KNL1: variants seen among roughly 807,000 people sequenced by gnomAD.
The protein encoded by KNL1 is kinetochore scaffold 1.
A neutral mutation model predicts 201.3 loss-of-function variants in KNL1; 66 were observed. That is an observed-to-expected ratio of 0.33 (90% CI 0.27 to 0.40). The LOEUF (loss-of-function observed/expected upper bound fraction) is 0.40. KNL1 is among the 10% of genes least tolerant of loss of function. KNL1 has a pLI of 1.00. For missense variants in KNL1, 2,815 were observed against 2,690.5 expected (o/e 1.05, Z -1.02); for synonymous variants, 895 against 899.2 (o/e 1.00, Z 0.08).
At position 40,657,493 on chromosome 15, in the gene KNL1, A is replaced by G. The variant is rs778709199; in HGVS notation, c.6713+20A>G. ...TAATGAGTAAGTGTATTAGTTCCCA[A>G]GGACTGCCATGACAGAGTACTACAA... On this transcript the variant is annotated intron_variant, in intron 24 of 25. Transcript: ENST00000399668. 8.1e-7 allele frequency: 1 copy of G among 1,240,862 alleles called. No individual in the cohort carries two copies. The highest frequency in any genetic ancestry group is 1.2e-6 in the Non-Finnish European group (1 of 841,104). 76.9% of individuals were successfully genotyped at this position (1,240,862 alleles called of 1,614,324 possible). A position where few individuals can be genotyped will look rare whatever the true frequency, so the allele number is the denominator to read the frequency against.
At chr15:40,605,361 A>G (rs1162191618) in intron 3 of KNL1, among the ~76,000 whole-genome samples, 1 of 152,196 alleles carries the variant, frequency 6.6e-6, no homozygotes, top group Non-Finnish European at 1.5e-5. Context: ...TATGAATTTT[A>G]TGCTATGTAA....
intron 21 of KNL1, 102 bp from the exon 22 acceptor site, chr15:40,654,807 T>G (rs971675347): frequency 1.1e-5 from 9 of 797,190 alleles, no homozygotes; most frequent in Non-Finnish European, 1.9e-5. Flanking sequence ...AGGCTGAGCT[T>G]GCAGTGGGCC....
At chr15:40,612,449 GC>G (rs547408406) in intron 7 of KNL1, among the ~76,000 whole-genome samples, 196 of 151,708 alleles carry the variant, frequency 1.3e-3, no homozygotes, top group African/African-American at 4.6e-3. Flanking sequence ...CTGAGATCAT[GC>G]CCCTGCACTC....
At chr15:40,617,479 A>T (rs1892378365) in intron 8 of KNL1, among the ~76,000 whole-genome samples, 1 of 152,090 alleles carries the variant, frequency 6.6e-6, no homozygotes, top group African/African-American at 2.4e-5. Flanking sequence ...TTTCCTAGCA[A>T]TTATTATTAT....
In KNL1 at chr15:40,628,110, C is replaced by T. The variant is rs1188832632; in HGVS notation, c.5417C>T (p.Ala1806Val). 6.2e-7 allele frequency: 1 copy of T among 1,610,206 alleles called. No homozygotes were observed. The highest frequency in any genetic ancestry group is 1.3e-5 in the African/African-American group (1 of 74,602). The change falls in exon 11 of 26, where the codon GCT (alanine) becomes GTT (valine). Residue 1806 changes from alanine to valine, a missense_variant. Coordinates refer to ENST00000399668, the MANE Select transcript of KNL1 (RefSeq NM_144508.5). ...ACTGAAGAGGATATAGATAAAAGTG[C>T]TAACAGTGTATTGATAAAAAACCTG... The part of the protein sequence containing the change: ...HHTEEDIDKS[A>V]NSVLIKNLSR...
At chr15:40,613,141 T>A (rs1030479801) in intron 7 of KNL1, among the ~76,000 whole-genome samples, 7 of 152,104 alleles carry the variant, frequency 4.6e-5, no homozygotes, top group South Asian at 2.1e-4. Context: ...GGAAAAAAAA[T>A]TTTATGCTAA....
chr15:40,625,174 C>T lies in KNL1; in HGVS notation c.4910C>T (p.Pro1637Leu). 1 of 1,613,980 alleles carries T rather than the reference C, an allele frequency of 6.2e-7. No homozygotes were observed. Among genetic ancestry groups the T allele is most frequent in the Non-Finnish European group, 8.5e-7 (1 of 1,179,948 alleles). ...GGAGCTGAAACCACCTCTCTACCGC[C>T]AAAGACAGTTTTTAAAGATAAAGTA... Reference protein sequence around the residue: ...HNGAETTSLPPKTVFKDKVRR... With the variant: ...HNGAETTSLPLKTVFKDKVRR... The change falls in exon 10 of 26, where the codon CCA (proline) becomes CTA (leucine). Residue 1637 changes from proline to leucine, a missense_variant. Transcript: ENST00000399668.
At chr15:40,639,089 A>G (rs8031057) in intron 13 of KNL1, among the ~76,000 whole-genome samples, 118,833 of 151,380 alleles carry the variant, frequency 0.78, 47,618 homozygotes, top group Non-Finnish European at 0.85. Context: ...CTCTGCACCC[A>G]GCCTGCCATT....
Position 40,621,075 on chromosome 15 carries a change from A to G in KNL1, c.811A>G (p.Thr271Ala). The part of the protein sequence containing the change: ...LKEDENNSNI[T>A]RLFREKDDGM... ...GGAAGATGAAAATAACAGTAATATTACTAGGCTCTTTAGAGAAAAAGATGA... is the reference window on the plus strand; with the variant it reads ...GGAAGATGAAAATAACAGTAATATTGCTAGGCTCTTTAGAGAAAAAGATGA... The change falls in exon 10 of 26, where the codon ACT becomes GCT. Residue 271 changes from threonine to alanine, a missense_variant. Transcript: ENST00000399668. 3.7e-6 allele frequency: 6 copies of G among 1,613,098 alleles called. No homozygotes were observed. Among genetic ancestry groups the G allele is most frequent in the Non-Finnish European group, 5.1e-6 (6 of 1,179,560 alleles).
At position 40,620,986 on chromosome 15, in the gene KNL1, T is replaced by G. The variant is rs747801415; in HGVS notation, c.722T>G (p.Ile241Arg). 3.7e-6 allele frequency: 6 copies of G among 1,604,224 alleles called. No homozygotes were observed. The change falls in exon 10 of 26, where the codon ATA (isoleucine) becomes AGA (arginine). Residue 241 changes from isoleucine (I) to arginine (R), a missense_variant. Transcript: ENST00000399668. Reference protein sequence around the residue: ...PDVPDKENFEIPIYSKEPNSA... With the variant: ...PDVPDKENFERPIYSKEPNSA... ...GTGCCTGATAAAGAAAATTTTGAGA[T>G]ACCTATTTATTCCAAGGAACCGAAC...
intron 8 of KNL1, 82 bp from the exon 9 acceptor site, chr15:40,618,877 T>G (rs1444708303): frequency 2.3e-5 from 19 of 834,952 alleles, no homozygotes; most frequent in Non-Finnish European, 3.4e-5. Flanking sequence ...TAAATACTTG[T>G]AACTGATGAA....
rs146834597 is a variant in KNL1, at chr15:40,646,856, C to CA, written c.6007-109dup. On this transcript the variant is annotated intron_variant, in intron 16 of 25. Transcript: ENST00000399668. ...TGGGTAACAGAATGAGACTCCGCCT[C>CA]AAAAAAAAAAAAAAAAAAAAAAGAT... 14,188 of 189,594 alleles carry CA rather than the reference C, an allele frequency of 0.075. 119 individuals are homozygous for CA. The highest frequency in any genetic ancestry group is 0.13 in the African/African-American group (1,980 of 15,762). The allele number at this position is 189,594 out of a possible 1,614,324, so 11.7% of individuals were successfully genotyped here.
At chr15:40,635,989 C>G (rs1241353594) in intron 13 of KNL1, among the ~76,000 whole-genome samples, 1 of 152,158 alleles carries the variant, frequency 6.6e-6, no homozygotes, top group Non-Finnish European at 1.5e-5. Flanking sequence ...AGGCACCTAC[C>G]ACCATGCCTG....
At position 40,662,733 on chromosome 15, in the gene KNL1, G is replaced by A. The variant is rs1481168039; in HGVS notation, c.*545G>A. ...CCAGCAGTTTGGGAGGCCAAAATGGGTGAATAGCCTGAGTCCAGGAATTCA... is the reference window on the plus strand; with the variant it reads ...CCAGCAGTTTGGGAGGCCAAAATGGATGAATAGCCTGAGTCCAGGAATTCA... On this transcript the variant is annotated 3_prime_UTR_variant, in exon 26 of 26. Transcript: ENST00000399668. The A allele has an allele frequency of 5.6e-6, 1 of 180,172 alleles. No individual in the cohort carries two copies. The highest frequency in any genetic ancestry group is 2.4e-5 in the African/African-American group (1 of 42,352). 11.2% of individuals were successfully genotyped at this position (180,172 alleles called of 1,614,324 possible).
rs182594325 is a variant in KNL1, at chr15:40,616,848, C to T, written c.322+1470C>T. ...CTGTTTTCTTCTCCAAACTTATCTC[C>T]TACCCATTATATAGGTATCCCATGC... On this transcript the variant is annotated intron_variant, in intron 8 of 25. Transcript: ENST00000399668. Among the ~76,000 whole-genome samples the T allele has an allele frequency of 7.6e-4, 116 of 152,346 alleles. 1 individual carries two copies. Among genetic ancestry groups the T allele is most frequent in the Non-Finnish European group, 4.7e-4 (32 of 68,034 alleles).
chr15:40,662,933 C>A lies in KNL1; in HGVS notation c.*745C>A. 5.5e-6 allele frequency: 1 copy of A among 183,444 alleles called. No individual in the cohort carries two copies. Among genetic ancestry groups the A allele is most frequent in the Non-Finnish European group, 1.2e-5 (1 of 86,340 alleles). The allele number at this position is 183,444 out of a possible 1,614,324, so 11.4% of individuals were successfully genotyped here. A position where few individuals can be genotyped will look rare whatever the true frequency, so the allele number is the denominator to read the frequency against. On this transcript the variant is annotated 3_prime_UTR_variant, in exon 26 of 26. Transcript: ENST00000399668. ...CGAGACCATTCCACTGCACTCCAGC[C>A]TAGGCAACAGAGCAAGACCCTGTCT...
intron 19 of KNL1, 25 bp from the exon 20 acceptor site, chr15:40,651,446 T>A: frequency 6.6e-7 from 1 of 1,526,274 alleles, no homozygotes. Flanking sequence ...ACCTTATCTC[T>A]CTGAATACCT....
At chr15:40,658,543 AAAAGAG>A (rs1893804144) in intron 24 of KNL1, among the ~76,000 whole-genome samples, 1 of 112,694 alleles carries the variant, frequency 8.9e-6, no homozygotes, top group African/African-American at 3.4e-5. Flanking sequence ...AAAAAAAAAA[AAAAGAG>A]AGAATCTGTC....
intron 4 of KNL1, among the ~76,000 whole-genome samples, chr15:40,606,939 T>C (rs1891996183): frequency 6.6e-6 from 1 of 152,128 alleles, no homozygotes; most frequent in Non-Finnish European, 1.5e-5. Flanking sequence ...TTTTATTTTT[T>C]ATAGAGACAG....
Sources: gnomAD v4.1 joint callset for allele counts (sites outside exome capture counted in the v4.1 genomes callset) on GRCh38, gnomAD v4.1.1 for gene constraint, MANE v1.5 for transcripts, NCBI Gene and HGNC (gene_info 2026-07-23, HGNC 2026-07-21) for gene names.